Variants in XKR4 observed in about 807,000 individuals in gnomAD.
XKR4 encodes the protein XK-related protein 4.
In XKR4, 12 loss-of-function variants were observed where a neutral mutation model predicts 53.9. The observed-to-expected ratio is 0.22, with a 90% CI of 0.14 to 0.36. The LOEUF (loss-of-function observed/expected upper bound fraction) is 0.36. Among genes scored for constraint, XKR4 ranks in the 10% least tolerant of loss-of-function variants. XKR4 has a pLI of 1.00. For missense variants in XKR4, 799 were observed against 859.5 expected, an observed-to-expected ratio of 0.93 and a Z score of 0.88; for synonymous variants, 354 against 362.4, an observed-to-expected ratio of 0.98 and a Z score of 0.26.
chr8:55,415,540 A>AG (rs1804834676), intron 2 of XKR4, among the ~76,000 whole-genome samples: 1 of 152,164 alleles, frequency 6.6e-6, no homozygotes, highest in Admixed American at 6.5e-5. Context: ...CTTTGGATAG[A>AG]GAAAAAAAAA....
In XKR4 at chr8:55,535,243, T is replaced by C. The variant is rs1202471616; in HGVS notation, c.*11016T>C. 1 of 151,862 alleles carries C rather than the reference T, an allele frequency of 6.6e-6. No homozygotes were observed. Among genetic ancestry groups the C allele is most frequent in the Non-Finnish European group, 1.5e-5 (1 of 67,984 alleles). The allele number at this position is 151,862 out of a possible 1,614,324, so 9.4% of individuals were successfully genotyped here. A position where few individuals can be genotyped will look rare whatever the true frequency, so the allele number is the denominator to read the frequency against. On this transcript the variant is annotated 3_prime_UTR_variant, in exon 3 of 3. Transcript: ENST00000327381. ...TTTTTTTTTAATTTTATTATTATTA[T>C]ACTTTAAGTTTTAGGGTACATGTGC... is the stretch of plus-strand genomic sequence containing the variant.
chr8:55,373,332 A>G (rs1804099859), intron 2 of XKR4, among the ~76,000 whole-genome samples: 1 of 152,110 alleles, frequency 6.6e-6, no homozygotes, highest in South Asian at 2.1e-4. Context: ...ACACCCAGCT[A>G]ATGTTTGTAT....
chr8:55,509,059 T>C (rs1253277283), intron 2 of XKR4, among the ~76,000 whole-genome samples: 2 of 152,214 alleles, frequency 1.3e-5, no homozygotes, highest in Non-Finnish European at 1.5e-5. Context: ...CAAATACGAA[T>C]CAAATAATAT....
intron 1 of XKR4, among the ~76,000 whole-genome samples, chr8:55,300,105 C>T (rs2129376648): frequency 6.6e-6 from 1 of 152,232 alleles, no homozygotes; most frequent in East Asian, 1.9e-4. Context: ...ACTCTTCCAG[C>T]AGCACATTAT....
At chr8:55,240,325 C>T (rs187591187) in intron 1 of XKR4, among the ~76,000 whole-genome samples, 3 of 152,282 alleles carry the variant, frequency 2.0e-5, no homozygotes, top group Admixed American at 1.3e-4. Flanking sequence ...TCAAAGCTAA[C>T]ATTCAAGTAC....
rs1438558816 is a variant in XKR4 at position 55,525,289 on chromosome 8, C to T, written c.*1062C>T. The T allele has an allele frequency of 6.6e-6, 1 of 152,634 alleles. No individual in the cohort carries two copies. 9.5% of individuals were successfully genotyped at this position (152,634 alleles called of 1,614,324 possible). A position where few individuals can be genotyped will look rare whatever the true frequency, so the allele number is the denominator to read the frequency against. The stretch of plus-strand genomic sequence containing the variant: ...AACCACAGGACTGACGTGGAAGCCC[C>T]AAACAACTGAGAATGAGTGGCATGA... On this transcript the variant is annotated 3_prime_UTR_variant, in exon 3 of 3. Coordinates refer to ENST00000327381, the MANE Select transcript of XKR4 (RefSeq NM_052898.2).
At chr8:55,452,235 C>T (rs1249985987) in intron 2 of XKR4, 2 of 653,052 alleles carry the variant, frequency 3.1e-6, no homozygotes, top group Non-Finnish European at 5.6e-6. Context: ...TGTGCAGGAG[C>T]GCAGCTGCAG....
intron 1 of XKR4, among the ~76,000 whole-genome samples, chr8:55,265,352 C>T (rs958190203): frequency 6.6e-6 from 1 of 152,216 alleles, no homozygotes; most frequent in Non-Finnish European, 1.5e-5. Flanking sequence ...TGGCTTCATG[C>T]CAGCTGAAGG....
chr8:55,123,430 A>C (rs1300461002), intron 1 of XKR4, among the ~76,000 whole-genome samples: 2 of 152,232 alleles, frequency 1.3e-5, no homozygotes, highest in East Asian at 1.9e-4. Context: ...AGCAGCTGGC[A>C]TCAGGCCAGT....
intron 1 of XKR4, among the ~76,000 whole-genome samples, chr8:55,232,199 C>T (rs891609092): frequency 1.3e-5 from 2 of 152,216 alleles, no homozygotes; most frequent in Non-Finnish European, 2.9e-5. Flanking sequence ...GGATAGCTCT[C>T]TTCAAATAGG....
rs73598855 is a variant in XKR4, at chr8:55,187,549, A to C, written c.806+84255A>C. ...TCCCCTTCTCAGGAATCTGACCATC[A>C]AGACTTGGTTTTAACTGGCACAATG... On this transcript the variant is annotated intron_variant, in intron 1 of 2. Coordinates refer to ENST00000327381, the MANE Select transcript of XKR4 (RefSeq NM_052898.2). Among the ~76,000 whole-genome samples, 1,343 of 152,308 alleles carry C rather than the reference A, an allele frequency of 8.8e-3. 22 individuals are homozygous for C. Among genetic ancestry groups the C allele is most frequent in the African/African-American group, 0.03 (1,256 of 41,550 alleles).
chr8:55,324,977 A>G (rs535845309), intron 1 of XKR4, among the ~76,000 whole-genome samples: 6 of 151,232 alleles, frequency 4.0e-5, no homozygotes, highest in Admixed American at 1.3e-4. Context: ...TTTAATGTAT[A>G]TCTAATTCAT....
intron 2 of XKR4, among the ~76,000 whole-genome samples, chr8:55,378,287 T>C (rs1804178911): frequency 6.6e-6 from 1 of 152,152 alleles, no homozygotes; most frequent in African/African-American, 2.4e-5. Context: ...ATGGTCAGAG[T>C]CAGCAGTGTC....
intron 1 of XKR4, among the ~76,000 whole-genome samples, chr8:55,256,898 A>C (rs545557173): frequency 6.6e-6 from 1 of 152,290 alleles, no homozygotes; most frequent in South Asian, 2.1e-4. Flanking sequence ...TATTGCTCAC[A>C]CTTCTGGAGG....
chr8:55,303,825 T>G (rs1819245732), intron 1 of XKR4, among the ~76,000 whole-genome samples: 1 of 152,244 alleles, frequency 6.6e-6, no homozygotes, highest in Non-Finnish European at 1.5e-5. Context: ...TTTGTATTTC[T>G]GTGGGATCGG....
At chr8:55,457,750 T>C (rs575581064) in intron 2 of XKR4, among the ~76,000 whole-genome samples, 1 of 152,290 alleles carries the variant, frequency 6.6e-6, no homozygotes, top group Admixed American at 6.5e-5. Context: ...CTTTTGAAAA[T>C]AGACATTTTA....
intron 2 of XKR4, among the ~76,000 whole-genome samples, chr8:55,372,181 A>G (rs895689378): frequency 2.0e-5 from 3 of 152,204 alleles, no homozygotes; most frequent in South Asian, 2.1e-4. Flanking sequence ...AGAAGCATCA[A>G]TAAGGAGCTG....
At chr8:55,182,056 T>C (rs1468608642) in intron 1 of XKR4, among the ~76,000 whole-genome samples, 1 of 152,230 alleles carries the variant, frequency 6.6e-6, no homozygotes, top group Non-Finnish European at 1.5e-5. Context: ...CCATTATTCT[T>C]TTTTGAAGTG....
intron 1 of XKR4, among the ~76,000 whole-genome samples, chr8:55,276,107 C>T (rs890081223): frequency 1.3e-5 from 2 of 151,780 alleles, no homozygotes; most frequent in African/African-American, 4.9e-5. Context: ...ACTAGAGAGA[C>T]TGAAATCGTT....
Sources: allele counts gnomAD v4.1 joint callset (sites outside exome capture counted in the v4.1 genomes callset), GRCh38; gene constraint gnomAD v4.1.1; transcripts MANE v1.5; gene names NCBI Gene and HGNC (gene_info 2026-07-23, HGNC 2026-07-21).